The following KLF12 variants were observed in gnomAD, a reference collection of about 807,000 sequenced individuals.
The protein encoded by KLF12 is Krueppel-like factor 12.
KLF12 carries 9 observed loss-of-function variants against 37.8 expected under a neutral mutation model. The ratio of observed to expected loss-of-function variants is 0.24; its 90% CI spans 0.14 to 0.42. The LOEUF is 0.42. Among genes scored for constraint, KLF12 ranks in the 10% least tolerant of loss-of-function variants. The probability of loss-of-function intolerance (pLI) is 1.00; values close to 1 mark genes in which losing one functional copy is unlikely to be tolerated. For synonymous variants in KLF12, 208 were observed against 202.1 expected, an observed-to-expected ratio of 1.03 and a Z score of -0.25; for missense variants, 411 against 516.0, an observed-to-expected ratio of 0.80 and a Z score of 1.97.
chr13:74,102,498 G>C (rs1008829247), intron 1 of KLF12, among the ~76,000 whole-genome samples: 1 of 152,066 alleles, frequency 6.6e-6, no homozygotes, highest in Admixed American at 6.5e-5. Context: ...AGGAGTTTGT[G>C]ACCAGCCTGG....
At chr13:73,818,671 T>C (rs1020305118) in intron 4 of KLF12, among the ~76,000 whole-genome samples, 15 of 152,250 alleles carry the variant, frequency 9.9e-5, no homozygotes, top group African/African-American at 3.1e-4. Context: ...TAAGAACATA[T>C]ATGAAAACTT....
At chr13:73,803,200 G>A (rs1882374907) in intron 5 of KLF12, among the ~76,000 whole-genome samples, 1 of 152,172 alleles carries the variant, frequency 6.6e-6, no homozygotes. Flanking sequence ...GGGATTTGAT[G>A]CTAGACTATT....
chr13:73,910,490 T>G (rs1888514799), intron 3 of KLF12, among the ~76,000 whole-genome samples: 1 of 152,176 alleles, frequency 6.6e-6, no homozygotes, highest in South Asian at 2.1e-4. Context: ...ACAACATTTT[T>G]AGGTAGTGGA....
At chr13:73,876,550 C>T (rs1159461925) in intron 3 of KLF12, among the ~76,000 whole-genome samples, 4 of 152,184 alleles carry the variant, frequency 2.6e-5, no homozygotes, top group African/African-American at 9.7e-5. Flanking sequence ...CTGAAGCAGA[C>T]AGGAACTCTT....
chr13:74,217,602 C>G, the KLF12 span, among the ~76,000 whole-genome samples: 1 of 152,116 alleles, frequency 6.6e-6, no homozygotes, highest in Non-Finnish European at 1.5e-5. Flanking sequence ...TGGTGTGCAC[C>G]TGTTATCCCA....
chr13:73,904,010 G>A (rs1888154403), intron 3 of KLF12, among the ~76,000 whole-genome samples: 1 of 152,174 alleles, frequency 6.6e-6, no homozygotes, highest in South Asian at 2.1e-4. Context: ...GATGACTGCT[G>A]CACTAGTGAA....
the KLF12 span, among the ~76,000 whole-genome samples, chr13:74,283,963 C>T: frequency 6.6e-6 from 1 of 151,516 alleles, no homozygotes; most frequent in Non-Finnish European, 1.5e-5. Flanking sequence ...GGGTTCATGC[C>T]ATTCTCCTAC....
intron 5 of KLF12, among the ~76,000 whole-genome samples, chr13:73,774,202 T>A (rs760100857): frequency 4.6e-5 from 7 of 152,020 alleles, no homozygotes; most frequent in Admixed American, 1.3e-4. Flanking sequence ...TACCTAAAGA[T>A]GTGTTGCTGC....
chr13:73,701,613 T>C (rs902197082), intron 7 of KLF12, among the ~76,000 whole-genome samples: 1 of 152,244 alleles, frequency 6.6e-6, no homozygotes, highest in Non-Finnish European at 1.5e-5. Flanking sequence ...TATTGTGCAT[T>C]TCTTTGCCAA....
chr13:74,037,481 C>T (rs1249049183), intron 1 of KLF12, among the ~76,000 whole-genome samples: 1 of 152,168 alleles, frequency 6.6e-6, no homozygotes, highest in African/African-American at 2.4e-5. Context: ...GCCAATTAAA[C>T]CGTGTTGAAC....
chr13:73,827,402 A>G (rs539313516), intron 4 of KLF12, among the ~76,000 whole-genome samples: 1 of 152,308 alleles, frequency 6.6e-6, no homozygotes, highest in East Asian at 1.9e-4. Flanking sequence ...ATACTGTTGT[A>G]AGACTTAATA....
At chr13:73,890,107 A>AT (rs1887430651) in intron 3 of KLF12, among the ~76,000 whole-genome samples, 1 of 152,092 alleles carries the variant, frequency 6.6e-6, no homozygotes. Context: ...TAGTAGGAGC[A>AT]TATCTGGTCT....
intron 3 of KLF12, among the ~76,000 whole-genome samples, chr13:73,899,548 A>G (rs1352091844): frequency 6.6e-6 from 1 of 152,072 alleles, no homozygotes; most frequent in African/African-American, 2.4e-5. Context: ...TGGTAAAAAC[A>G]TTTTTCTGGG....
intron 4 of KLF12, chr13:73,845,037 A>C (rs562056634): frequency 2.0e-5 from 3 of 151,946 alleles, no homozygotes; most frequent in African/African-American, 7.3e-5. Context: ...AAATTCAGGG[A>C]AAAAAAAGAA....
intron 6 of KLF12, among the ~76,000 whole-genome samples, chr13:73,747,913 G>T (rs1566339183): frequency 6.6e-6 from 1 of 152,180 alleles, no homozygotes; most frequent in Non-Finnish European, 1.5e-5. Flanking sequence ...ATGGGTCTGA[G>T]AAATAAATAA....
At chr13:74,002,993 T>A (rs1593821288) in intron 1 of KLF12, among the ~76,000 whole-genome samples, 2 of 152,384 alleles carry the variant, frequency 1.3e-5, no homozygotes, top group Admixed American at 1.3e-4. Flanking sequence ...TTTTACCATA[T>A]GGTTAACAAT....
At chr13:74,116,692 T>C (rs937528928) in intron 1 of KLF12, among the ~76,000 whole-genome samples, 1 of 152,196 alleles carries the variant, frequency 6.6e-6, no homozygotes, top group Non-Finnish European at 1.5e-5. Context: ...GAAACTAGGA[T>C]AGAAATTTCA....
At chr13:74,305,115 C>G in the KLF12 span, among the ~76,000 whole-genome samples, 2 of 152,094 alleles carry the variant, frequency 1.3e-5, no homozygotes, top group Admixed American at 6.6e-5. Flanking sequence ...GTATTTTCCC[C>G]CATAAATCTT....
At position 73,990,774 on chromosome 13, in the gene KLF12, TAAA is replaced by T. The variant is rs545248714; in HGVS notation, c.33+4213_33+4215del. ...TAATATGAAATTAATCTATTAGGCT[TAAA>T]TTCAATTCTTATTTTTTTCATTCCA... On this transcript the variant is annotated intron_variant, in intron 2 of 7. Transcript: ENST00000377669. Among the ~76,000 whole-genome samples the T allele has an allele frequency of 2.7e-3, 405 of 152,292 alleles. 4 individuals carry two copies. The highest frequency in any genetic ancestry group is 9.2e-3 in the African/African-American group (381 of 41,576).
Sources: gnomAD v4.1 joint callset for allele counts (sites outside exome capture counted in the v4.1 genomes callset) on GRCh38, gnomAD v4.1.1 for gene constraint, MANE v1.5 for transcripts, NCBI Gene and HGNC (gene_info 2026-07-23, HGNC 2026-07-21) for gene names.